MAP1LC3B2: variants seen among roughly 807,000 people sequenced by gnomAD.
MAP1LC3B2 encodes microtubule-associated protein 1 light chain 3 beta 2.
For missense variants in MAP1LC3B2, 155 were observed against 154.6 expected, an observed-to-expected ratio of 1.00 and a Z score of -0.01; for synonymous variants, 62 against 57.8, an observed-to-expected ratio of 1.07 and a Z score of -0.33.
chr12:116,565,519 G>A (rs913438075), intron 1 of MAP1LC3B2, among the ~76,000 whole-genome samples: 3 of 152,172 alleles, frequency 2.0e-5, no homozygotes, highest in African/African-American at 7.2e-5. Flanking sequence ...CACAACATGT[G>A]GGAATTATGG....
chr12:116,572,686 G>A (rs1268090152), intron 1 of MAP1LC3B2, among the ~76,000 whole-genome samples: 1 of 152,210 alleles, frequency 6.6e-6, no homozygotes, highest in Non-Finnish European at 1.5e-5. Flanking sequence ...AGTTCTACAT[G>A]CCATAGAACA....
At chr12:116,575,817 C>G (rs1267829571) in intron 1 of MAP1LC3B2, 25 bp from the exon 2 acceptor site, 1 of 1,051,056 alleles carries the variant, frequency 9.5e-7, no homozygotes, top group Non-Finnish European at 1.4e-6. Flanking sequence ...AACTACTCAG[C>G]TCTGTTGTTA....
chr12:116,567,284 T>C (rs1869413828), intron 1 of MAP1LC3B2, among the ~76,000 whole-genome samples: 2 of 152,132 alleles, frequency 1.3e-5, no homozygotes, highest in African/African-American at 4.8e-5. Flanking sequence ...CCTCAGGTTC[T>C]CAACTTAGAA....
rs1044928764 is a variant in MAP1LC3B2 at position 116,563,211 on chromosome 12, G to A, written c.-102+3778G>A. Among the ~76,000 whole-genome samples, 44 of 151,996 alleles carry A rather than the reference G, an allele frequency of 2.9e-4. 1 individual carries two copies. Among genetic ancestry groups the A allele is most frequent in the Admixed American group, 2.4e-3 (36 of 15,254 alleles). ...TAACCTCAGGTGATCTGCCCACCTC[G>A]GCCTCCCAAAGTGCTGGGATTACAG... is the stretch of plus-strand genomic sequence containing the variant. On this transcript the variant is annotated intron_variant, in intron 1 of 1. Transcript: ENST00000556529.
rs1344102154 is a variant in MAP1LC3B2, at chr12:116,571,706, C to T, written c.-101-4136C>T. On this transcript the variant is annotated intron_variant, in intron 1 of 1. Coordinates refer to ENST00000556529, the MANE Select transcript of MAP1LC3B2 (RefSeq NM_001085481.3). ...CCGTGTTAGCCAGGATGGTCTCGAT[C>T]TCCTAACCTCGTGATCCGCCTGTCT... is the stretch of plus-strand genomic sequence containing the variant. Among the ~76,000 whole-genome samples, 3 of 151,550 alleles carry T rather than the reference C, an allele frequency of 2.0e-5. No homozygotes were observed. In the East Asian group the frequency reaches 5.8e-4, roughly 29 times the overall value.
At chr12:116,569,938 C>T (rs1165052819) in intron 1 of MAP1LC3B2, among the ~76,000 whole-genome samples, 1 of 152,080 alleles carries the variant, frequency 6.6e-6, no homozygotes, top group South Asian at 2.1e-4. Context: ...CCTGTAGTCC[C>T]AGCTACTTGG....
intron 1 of MAP1LC3B2, among the ~76,000 whole-genome samples, chr12:116,563,859 A>AT (rs539677904): frequency 4.3e-4 from 65 of 150,716 alleles, no homozygotes; most frequent in Non-Finnish European, 7.1e-4. Flanking sequence ...GGATTTACTG[A>AT]TTTTTTTTTC....
intron 1 of MAP1LC3B2, among the ~76,000 whole-genome samples, chr12:116,571,765 G>A (rs904622457): frequency 1.3e-5 from 2 of 151,994 alleles, no homozygotes; most frequent in East Asian, 1.9e-4. Context: ...ACAGACGTAA[G>A]CCACCGCGCC....
chr12:116,560,188 C>CCATATATATATATATATATA (rs1491120344), intron 1 of MAP1LC3B2: 1 of 88,444 alleles, frequency 1.1e-5, no homozygotes, highest in Non-Finnish European at 2.3e-5. Context: ...CTAAGTTTGG[C>CCATATATATATATATATATA]TATATATATA....
chr12:116,559,682 G>A (rs993271219), intron 1 of MAP1LC3B2, among the ~76,000 whole-genome samples: 1 of 152,208 alleles, frequency 6.6e-6, no homozygotes, highest in African/African-American at 2.4e-5. Context: ...CAGCCAGGCT[G>A]GCAGGGCAGA....
At chr12:116,561,003 G>A (rs545494549) in intron 1 of MAP1LC3B2, among the ~76,000 whole-genome samples, 98 of 152,172 alleles carry the variant, frequency 6.4e-4, no homozygotes, top group Admixed American at 4.1e-3. Flanking sequence ...TGTAGTCCCC[G>A]CTACTTGGGA....
chr12:116,560,886 G>A (rs999327374), intron 1 of MAP1LC3B2, among the ~76,000 whole-genome samples: 1 of 151,574 alleles, frequency 6.6e-6, no homozygotes, highest in African/African-American at 2.4e-5. Context: ...GGAGTCCAAG[G>A]TGGGCAGGTC....
intron 1 of MAP1LC3B2, among the ~76,000 whole-genome samples, chr12:116,571,506 A>AGT (rs1869533555): frequency 1.2e-5 from 1 of 85,864 alleles, no homozygotes; most frequent in Non-Finnish European, 2.0e-5. Context: ...TTTGAGACGG[A>AGT]GTCTCATTCT....
chr12:116,564,355 G>A (rs987654028), intron 1 of MAP1LC3B2, among the ~76,000 whole-genome samples: 12 of 150,352 alleles, frequency 8.0e-5, no homozygotes, highest in African/African-American at 7.3e-5. Flanking sequence ...TTTGATGTTT[G>A]TTTTGGGAGG....
rs1869692935 is a variant in MAP1LC3B2, at chr12:116,576,523, T to G, written c.*203T>G. On this transcript the variant is annotated 3_prime_UTR_variant, in exon 2 of 2. Coordinates refer to ENST00000556529, the MANE Select transcript of MAP1LC3B2 (RefSeq NM_001085481.3). ...AGTGAGCACATTCAGCTTTGGAAAC[T>G]ATATTATTTAATGTAGGCTAGCTTG... is the stretch of plus-strand genomic sequence containing the variant. 2 of 605,064 alleles carry G rather than the reference T, an allele frequency of 3.3e-6. No individual in the cohort carries two copies. Among genetic ancestry groups the G allele is most frequent in the Non-Finnish European group, 5.7e-6 (2 of 350,070 alleles). 37.5% of individuals were successfully genotyped at this position (605,064 alleles called of 1,614,324 possible).
At chr12:116,564,049 T>G (rs1354987980) in intron 1 of MAP1LC3B2, among the ~76,000 whole-genome samples, 2 of 152,192 alleles carry the variant, frequency 1.3e-5, no homozygotes, top group Non-Finnish European at 2.9e-5. Context: ...CCAGCAAATT[T>G]TTATTTTAGA....
At chr12:116,575,356 G>A (rs1171253412) in intron 1 of MAP1LC3B2, among the ~76,000 whole-genome samples, 1 of 152,276 alleles carries the variant, frequency 6.6e-6, no homozygotes, top group Admixed American at 6.5e-5. Context: ...GCATTGGAGA[G>A]CAGTGGAGCG....
chr12:116,561,824 A>C (rs983313282), intron 1 of MAP1LC3B2, among the ~76,000 whole-genome samples: 3 of 152,260 alleles, frequency 2.0e-5, no homozygotes, highest in African/African-American at 7.2e-5. Flanking sequence ...GAGCAAGTAC[A>C]TGCAAAGCTG....
At chr12:116,563,164 G>C (rs372600869) in intron 1 of MAP1LC3B2, among the ~76,000 whole-genome samples, 1 of 151,932 alleles carries the variant, frequency 6.6e-6, no homozygotes, top group Non-Finnish European at 1.5e-5. Flanking sequence ...TCTCCATGTC[G>C]GTCAGGCTGA....
Sources: allele counts gnomAD v4.1 joint callset (sites outside exome capture counted in the v4.1 genomes callset), GRCh38; gene constraint gnomAD v4.1.1; transcripts MANE v1.5; gene names NCBI Gene and HGNC (gene_info 2026-07-23, HGNC 2026-07-21).